The following IQCK variants were observed in gnomAD, a reference collection of about 807,000 sequenced individuals.
The protein encoded by IQCK is IQ domain-containing protein K.
IQCK carries 29 observed loss-of-function variants against 28.1 expected under a neutral mutation model. The ratio of observed to expected loss-of-function variants is 1.03; its 90% confidence interval spans 0.77 to 1.41. IQCK has a LOEUF of 1.41. Ranked by LOEUF, IQCK falls within the 40% of genes most tolerant of loss-of-function variation. IQCK has a pLI of 0.00. For synonymous variants in IQCK, 113 were observed against 115.1 expected (o/e 0.98, Z 0.12); for missense variants, 359 against 314.7 (o/e 1.14, Z -1.07).
At chr16:19,760,081 G>T (rs1373154661) in intron 4 of IQCK, among the ~76,000 whole-genome samples, 1 of 152,172 alleles carries the variant, frequency 6.6e-6, no homozygotes, top group Non-Finnish European at 1.5e-5. Context: ...GAGAGATCAT[G>T]CCACTATACT....
chr16:19,852,911 C>T (rs1393908271), intron 9 of IQCK, among the ~76,000 whole-genome samples: 4 of 152,238 alleles, frequency 2.6e-5, no homozygotes, highest in East Asian at 3.9e-4. Flanking sequence ...CGTGAGCCAC[C>T]GCACGCGGCC....
At chr16:19,831,959 A>G (rs963448281), downstream of IQCK, among the ~76,000 whole-genome samples, 5 of 152,148 alleles carry the variant, frequency 3.3e-5, no homozygotes, top group Non-Finnish European at 7.4e-5. Flanking sequence ...GTCTCTATCC[A>G]TCAGGACAGA....
intron 4 of IQCK, among the ~76,000 whole-genome samples, chr16:19,742,619 T>C (rs898665747): frequency 2.0e-5 from 3 of 152,216 alleles, no homozygotes; most frequent in South Asian, 2.1e-4. Flanking sequence ...TTGCATCCAA[T>C]TGGCTCTTAC....
At chr16:19,786,573 C>T (rs756568744) in intron 6 of IQCK, among the ~76,000 whole-genome samples, 9 of 132,252 alleles carry the variant, frequency 6.8e-5, no homozygotes, top group Non-Finnish European at 1.3e-4. Context: ...GTGGCGTGCT[C>T]CTGTAGTCCC....
At chr16:19,810,038 C>G (rs2055883017) in intron 7 of IQCK, among the ~76,000 whole-genome samples, 2 of 152,054 alleles carry the variant, frequency 1.3e-5, no homozygotes, top group Non-Finnish European at 2.9e-5. Flanking sequence ...TACGACTCAG[C>G]CTTCAGTGGG....
At chr16:19,820,698 T>C (rs1279573059) in intron 7 of IQCK, among the ~76,000 whole-genome samples, 1 of 151,786 alleles carries the variant, frequency 6.6e-6, no homozygotes, top group Admixed American at 6.6e-5. Flanking sequence ...TTTAAAACCT[T>C]TTGCATCAAA....
intron 4 of IQCK, among the ~76,000 whole-genome samples, chr16:19,742,323 G>A (rs1007572494): frequency 1.3e-5 from 2 of 152,288 alleles, no homozygotes; most frequent in South Asian, 4.1e-4. Context: ...TCCTGACTTA[G>A]GGTTTTTTAA....
intron 6 of IQCK, among the ~76,000 whole-genome samples, chr16:19,782,905 C>A (rs1386550786): frequency 6.6e-6 from 1 of 152,102 alleles, no homozygotes; most frequent in East Asian, 1.9e-4. Context: ...TATGCGCACA[C>A]ATGTGCACAT....
chr16:19,771,022 C>T (rs373073809), intron 6 of IQCK, among the ~76,000 whole-genome samples: 1 of 152,340 alleles, frequency 6.6e-6, no homozygotes, highest in East Asian at 1.9e-4. Context: ...TTGCAAAATC[C>T]TTGACTTAAT....
At chr16:19,851,073 G>C (rs983125717) in intron 9 of IQCK, among the ~76,000 whole-genome samples, 2 of 152,134 alleles carry the variant, frequency 1.3e-5, no homozygotes, top group Admixed American at 1.3e-4. Flanking sequence ...GCCTAACTCT[G>C]GGTCAGAACC....
rs575077984 is a variant in IQCK at position 19,781,952 on chromosome 16, G to A, written c.606-6886G>A. ...TGCAGTGAGCCGAGATCGTGCCACT[G>A]CACTCCAGCCTGGGTGACAGAGTGA... is the stretch of plus-strand genomic sequence containing the variant. On this transcript the variant is annotated intron_variant, in intron 6 of 7. Transcript: ENST00000564186. Among the ~76,000 whole-genome samples the A allele has an allele frequency of 3.9e-5, 6 of 152,042 alleles. No individual in the cohort carries two copies. The East Asian group carries it at 7.8e-4, about 20-fold the overall frequency.
chr16:19,799,642 C>A (rs1310708854), intron 7 of IQCK, among the ~76,000 whole-genome samples: 28 of 102,770 alleles, frequency 2.7e-4, no homozygotes, highest in Non-Finnish European at 4.8e-4. Context: ...ACACACACAC[C>A]CAGTGAATAC....
At chr16:19,767,472 G>A (rs74013826) in intron 6 of IQCK, among the ~76,000 whole-genome samples, 8,312 of 152,056 alleles carry the variant, frequency 0.055, 707 homozygotes, top group African/African-American at 0.18. Context: ...GCTTTCCTCC[G>A]ACTAACTGCC....
At chr16:19,763,514 C>T (rs1333236297) in intron 4 of IQCK, among the ~76,000 whole-genome samples, 1 of 152,074 alleles carries the variant, frequency 6.6e-6, no homozygotes, top group African/African-American at 2.4e-5. Context: ...GAGGTCTCGG[C>T]TCACTGCAAC....
intron 1 of IQCK, among the ~76,000 whole-genome samples, chr16:19,721,284 A>G (rs1280200147): frequency 3.3e-5 from 5 of 152,224 alleles, no homozygotes; most frequent in Non-Finnish European, 5.9e-5. Context: ...CAGAAACTCA[A>G]TTTCATGAAG....
At chr16:19,757,483 G>A (rs1304744111) in intron 4 of IQCK, among the ~76,000 whole-genome samples, 5 of 152,180 alleles carry the variant, frequency 3.3e-5, no homozygotes, top group Admixed American at 3.3e-4. Flanking sequence ...GACCAGCCTG[G>A]CCAACATGGC....
exon 10 of IQCK, chr16:19,858,319 A>T: frequency 2.3e-6 from 1 of 443,502 alleles, no homozygotes; most frequent in South Asian, 6.3e-5. Context: ...TATCAGATTT[A>T]AAAGGGGGGA....
downstream of IQCK, among the ~76,000 whole-genome samples, chr16:19,829,440 G>T (rs1019460692): frequency 2.6e-5 from 4 of 151,818 alleles, no homozygotes; most frequent in African/African-American, 9.7e-5. Flanking sequence ...GGGTTCAAGC[G>T]ATTCTCATGC....
intron 6 of IQCK, among the ~76,000 whole-genome samples, chr16:19,786,906 A>C (rs2055571294): frequency 1.2e-5 from 1 of 83,368 alleles, no homozygotes; most frequent in Non-Finnish European, 2.0e-5. Context: ...GGAAGAAAGG[A>C]AAGAAAAAGG....
Sources: allele counts gnomAD v4.1 joint callset (sites outside exome capture counted in the v4.1 genomes callset), GRCh38; gene constraint gnomAD v4.1.1; transcripts MANE v1.5; gene names NCBI Gene and HGNC (gene_info 2026-07-23, HGNC 2026-07-21).